Variants in TRHDE observed in about 807,000 individuals in gnomAD.
The protein encoded by TRHDE is thyrotropin releasing hormone degrading enzyme, also known as thyrotropin-releasing hormone-degrading ectoenzyme.
A neutral mutation model predicts 125.7 loss-of-function variants in TRHDE; 72 were observed. The observed-to-expected ratio is 0.57, with a 90% CI of 0.47 to 0.70. The LOEUF is 0.70. TRHDE is among the 30% of genes least tolerant of loss of function. TRHDE has a pLI of 0.00. For missense variants in TRHDE, 1,110 were observed against 1,327.1 expected (o/e 0.84, Z 2.54); for synonymous variants, 509 against 509.1 (o/e 1.00, Z 0.00).
chr12:72,215,649 T>C (rs1877874321), intron 2 of TRHDE, among the ~76,000 whole-genome samples: 1 of 152,190 alleles, frequency 6.6e-6, no homozygotes, highest in Non-Finnish European at 1.5e-5. Context: ...AGGCTTATTA[T>C]GATTTAGATA....
intron 3 of TRHDE, among the ~76,000 whole-genome samples, chr12:72,393,467 G>T (rs1872679848): frequency 6.6e-6 from 1 of 152,150 alleles, no homozygotes; most frequent in Admixed American, 6.6e-5. Flanking sequence ...TGGGAGGCAA[G>T]GGCAGTGAGG....
chr12:72,290,852 T>A (rs1880061875), intron 2 of TRHDE, among the ~76,000 whole-genome samples: 1 of 152,192 alleles, frequency 6.6e-6, no homozygotes, highest in African/African-American at 2.4e-5. Flanking sequence ...ATGTGGAATT[T>A]TTAAACTTAC....
intron 2 of TRHDE, among the ~76,000 whole-genome samples, chr12:72,329,428 A>T (rs2135717820): frequency 6.6e-6 from 1 of 152,326 alleles, no homozygotes; most frequent in South Asian, 2.1e-4. Context: ...TCAGAGATTT[A>T]CTCTGATGAT....
intron 1 of TRHDE, among the ~76,000 whole-genome samples, chr12:72,278,366 C>A (rs1185579615): frequency 1.3e-5 from 2 of 152,084 alleles, no homozygotes; most frequent in African/African-American, 4.8e-5. Context: ...GGTTCTGTAT[C>A]TCGGCTACTG....
chr12:72,581,260 G>A (rs1225182518), intron 12 of TRHDE, among the ~76,000 whole-genome samples: 4 of 152,174 alleles, frequency 2.6e-5, no homozygotes, highest in Non-Finnish European at 5.9e-5. Context: ...ATTTGCAATA[G>A]AAAATATAAT....
chr12:72,254,047 G>A (rs867846980), intron 2 of TRHDE: 1 of 152,092 alleles, frequency 6.6e-6, no homozygotes, highest in Non-Finnish European at 1.5e-5. Context: ...AAGGATACAT[G>A]TATGTTGCAT....
Position 72,407,553 on chromosome 12 carries a change from C to G in TRHDE, c.1315+29432C>G, listed in dbSNP as rs533374142. Among the ~76,000 whole-genome samples, 20 of 152,208 alleles carry G rather than the reference C, an allele frequency of 1.3e-4. No homozygotes were observed. In the South Asian group the frequency reaches 3.7e-3, roughly 28 times the overall value. On this transcript the variant is annotated intron_variant, in intron 3 of 18. Coordinates refer to ENST00000261180, the MANE Select transcript of TRHDE (RefSeq NM_013381.3). ...GGTCAACATTTGCACTGGAATAAAA[C>G]AACTAAAAGTGCTGCATACAATAGA... is the stretch of plus-strand genomic sequence containing the variant.
chr12:72,332,493 G>T (rs1276125277), intron 2 of TRHDE, among the ~76,000 whole-genome samples: 1 of 152,014 alleles, frequency 6.6e-6, no homozygotes, highest in African/African-American at 2.4e-5. Flanking sequence ...TCACCCAGGG[G>T]ATGGTGCTAA....
intron 2 of TRHDE, among the ~76,000 whole-genome samples, chr12:72,294,961 A>C (rs1286885047): frequency 6.6e-6 from 1 of 151,818 alleles, no homozygotes; most frequent in Non-Finnish European, 1.5e-5. Context: ...CCGAGATAGG[A>C]GCAGGCAAGG....
In TRHDE at chr12:72,621,891, A is replaced by G. The variant is rs541014476; in HGVS notation, c.2675+140A>G. 334 of 627,284 alleles carry G rather than the reference A, an allele frequency of 5.3e-4. No individual in the cohort carries two copies. In the African/African-American group the frequency reaches 5.7e-3, roughly 11 times the overall value. 38.9% of individuals were successfully genotyped at this position (627,284 alleles called of 1,614,324 possible). ...TGCAGCAACATTTTGTGTCAGGTTC[A>G]CAGCTTCCAAGGCAATAGTGTGAAA... On this transcript the variant is annotated intron_variant, in intron 15 of 18. Coordinates refer to ENST00000261180, the MANE Select transcript of TRHDE (RefSeq NM_013381.3).
intron 2 of TRHDE, among the ~76,000 whole-genome samples, chr12:72,324,882 C>T (rs1869268058): frequency 6.6e-6 from 1 of 152,022 alleles, no homozygotes; most frequent in Non-Finnish European, 1.5e-5. Context: ...ATGATGTTCT[C>T]TTGTCTTTCT....
intron 3 of TRHDE, among the ~76,000 whole-genome samples, chr12:72,455,418 A>C (rs1295891232): frequency 2.0e-5 from 3 of 152,150 alleles, no homozygotes; most frequent in Non-Finnish European, 2.9e-5. Flanking sequence ...TCAAGGCTGA[A>C]GATTTTGAAA....
At chr12:72,147,844 CT>C (rs1876264609) in intron 2 of TRHDE, 4 of 152,206 alleles carry the variant, frequency 2.6e-5, no homozygotes, top group Admixed American at 2.6e-4. Flanking sequence ...GGAAGACAAT[CT>C]TTTAGTCATC....
chr12:72,595,930 T>A (rs1871920252), intron 12 of TRHDE, among the ~76,000 whole-genome samples: 1 of 152,120 alleles, frequency 6.6e-6, no homozygotes, highest in Non-Finnish European at 1.5e-5. Flanking sequence ...GAGCTGAGAT[T>A]TCAGGGCTAA....
At chr12:72,093,356 G>A (rs918793092) in intron 1 of TRHDE, among the ~76,000 whole-genome samples, 2 of 152,158 alleles carry the variant, frequency 1.3e-5, no homozygotes, top group Non-Finnish European at 2.9e-5. Flanking sequence ...AAATCTGGAT[G>A]TTTAGATTCC....
intron 15 of TRHDE, among the ~76,000 whole-genome samples, chr12:72,635,223 G>T (rs1873683466): frequency 1.3e-5 from 2 of 152,102 alleles, no homozygotes; most frequent in South Asian, 4.2e-4. Flanking sequence ...ATCTCATTGT[G>T]GTTTTGATTT....
At chr12:72,421,043 A>C (rs1873932680) in intron 3 of TRHDE, among the ~76,000 whole-genome samples, 2 of 151,210 alleles carry the variant, frequency 1.3e-5, no homozygotes, top group African/African-American at 4.9e-5. Flanking sequence ...ATCTCAGCTC[A>C]CTGCAAGCTC....
intron 2 of TRHDE, among the ~76,000 whole-genome samples, chr12:72,330,169 G>T (rs142603116): frequency 3.3e-5 from 5 of 152,160 alleles, no homozygotes; most frequent in Non-Finnish European, 7.4e-5. Flanking sequence ...TCGGTAACAG[G>T]CAGTGCCCAA....
intron 1 of TRHDE, among the ~76,000 whole-genome samples, chr12:72,280,913 A>G (rs1879673481): frequency 6.6e-6 from 1 of 152,218 alleles, no homozygotes; most frequent in South Asian, 2.1e-4. Flanking sequence ...CCAATAAAAA[A>G]ACGTGAATCT....
Sources: allele counts gnomAD v4.1 joint callset (sites outside exome capture counted in the v4.1 genomes callset), GRCh38; gene constraint gnomAD v4.1.1; transcripts MANE v1.5; gene names NCBI Gene and HGNC (gene_info 2026-07-23, HGNC 2026-07-21).